Variants in MYRFL observed in about 807,000 individuals in gnomAD.
MYRFL encodes the protein myelin regulatory factor like.
MYRFL carries 88 observed loss-of-function variants against 109.4 expected under a neutral mutation model. The ratio of observed to expected loss-of-function variants is 0.80; its 90% CI spans 0.68 to 0.96. MYRFL has a LOEUF of 0.96. MYRFL is among the 40% of genes least tolerant of loss of function. MYRFL has a pLI of 0.00. For missense variants in MYRFL, 957 were observed against 954.9 expected, an observed-to-expected ratio of 1.00 and a Z score of -0.03; for synonymous variants, 324 against 320.9, an observed-to-expected ratio of 1.01 and a Z score of -0.10.
At chr12:69,903,578 C>A in intron 10 of MYRFL, 66 bp from the exon 11 acceptor site, 2 of 1,470,094 alleles carry the variant, frequency 1.4e-6, no homozygotes, top group Non-Finnish European at 1.8e-6. Context: ...TTGCTCTGAA[C>A]ACTAATGTGA....
chr12:69,854,857 T>C (rs1884174001), intron 1 of MYRFL, among the ~76,000 whole-genome samples: 1 of 152,226 alleles, frequency 6.6e-6, no homozygotes, highest in Non-Finnish European at 1.5e-5. Context: ...TCATGTTATC[T>C]GCAAATAAAA....
intron 13 of MYRFL, among the ~76,000 whole-genome samples, chr12:69,924,157 C>T (rs575193373): frequency 6.7e-6 from 1 of 148,872 alleles, no homozygotes; most frequent in East Asian, 2.0e-4. Context: ...CCACTGCACT[C>T]CAGCCTGGGT....
chr12:69,930,606 C>A (rs893181429), intron 15 of MYRFL, among the ~76,000 whole-genome samples: 6 of 151,814 alleles, frequency 4.0e-5, no homozygotes, highest in Non-Finnish European at 8.8e-5. Flanking sequence ...ATCACTTGAG[C>A]CCAGGAGTTC....
rs1447898638 is a variant in MYRFL, at chr12:69,886,897, T to C, written c.634T>C (p.Ser212Pro). ...GQNRMPTDQC[S>P]PALKWQPCHS... ...GAACAGAATGCCTACAGACCAGTGCTCTCCTGCTCTGAAGTGGCAACCATG... is the reference window on the plus strand; with the variant it reads ...GAACAGAATGCCTACAGACCAGTGCCCTCCTGCTCTGAAGTGGCAACCATG... The change falls in exon 6 of 25, where the codon TCT becomes CCT. Residue 212 changes from serine (S) to proline (P), a missense_variant. Coordinates refer to ENST00000552032, the MANE Select transcript of MYRFL (RefSeq NM_182530.3). 6.5e-7 allele frequency: 1 copy of C among 1,535,808 alleles called. No homozygotes were observed. Among genetic ancestry groups the C allele is most frequent in the South Asian group, 1.2e-5 (1 of 84,052 alleles).
chr12:69,832,944 T>TTGTGTGTG (rs57702116), intron 1 of MYRFL, among the ~76,000 whole-genome samples: 20 of 143,824 alleles, frequency 1.4e-4, no homozygotes, highest in African/African-American at 5.2e-4. Context: ...AGGAACAGGC[T>TTGTGTGTG]TGTGTGTGTG....
intron 2 of MYRFL, among the ~76,000 whole-genome samples, chr12:69,871,766 T>C (rs1261658): frequency 0.25 from 37,874 of 150,800 alleles, 5,476 homozygotes; most frequent in Middle Eastern, 0.38. Context: ...TAATTTTCAT[T>C]TTTTTTTGCT....
chr12:69,879,200 T>C lies in MYRFL; in HGVS notation c.211T>C (p.Cys71Arg), dbSNP rs1885894151. Reference sequence around the variant, plus strand: ...CTGCTTGTGTCTCTCCCCAGGTGCATGCTACCCAACCCTGAGGCCCACAGC... The same window carrying C: ...CTGCTTGTGTCTCTCCCCAGGTGCACGCTACCCAACCCTGAGGCCCACAGC... ...SCSPPQVKGA[C>R]YPTLRPTAGR... Residue 71 changes from cysteine to arginine, a missense_variant, in exon 4 of 25, where the codon TGC becomes CGC. Coordinates refer to ENST00000552032, the MANE Select transcript of MYRFL (RefSeq NM_182530.3). The C allele has an allele frequency of 4.3e-6, 3 of 702,832 alleles. 1 individual carries two copies. In the South Asian group the frequency reaches 4.4e-5, roughly 10 times the overall value. 43.5% of individuals were successfully genotyped at this position (702,832 alleles called of 1,614,324 possible).
At chr12:69,889,597 G>A (rs752439464) in intron 6 of MYRFL, among the ~76,000 whole-genome samples, 7 of 152,188 alleles carry the variant, frequency 4.6e-5, no homozygotes, top group Non-Finnish European at 8.8e-5. Context: ...GCTCACGCCT[G>A]TAATCCCAGC....
intron 5 of MYRFL, among the ~76,000 whole-genome samples, chr12:69,882,619 T>C (rs1886196841): frequency 6.6e-6 from 1 of 152,180 alleles, no homozygotes; most frequent in African/African-American, 2.4e-5. Context: ...GATCCTCATT[T>C]ATAGGGCTGA....
At chr12:69,877,001 G>GTCTTTCTTTCTTTCTTTCTTTCTT (rs201597849) in intron 2 of MYRFL, among the ~76,000 whole-genome samples, 7 of 78,540 alleles carry the variant, frequency 8.9e-5, no homozygotes, top group Non-Finnish European at 8.3e-5. Flanking sequence ...AAGGGTCCAG[G>GTCTTTCTTTCTTTCTTTCTTTCTT]TCTTTCTTTC....
At chr12:69,954,235 AT>A (rs1565653722) in intron 21 of MYRFL, among the ~76,000 whole-genome samples, 1 of 152,060 alleles carries the variant, frequency 6.6e-6, no homozygotes, top group Non-Finnish European at 1.5e-5. Flanking sequence ...CCAAATACCA[AT>A]TTTTCAGCTA....
chr12:69,896,757 A>C (rs1954007521), intron 9 of MYRFL, among the ~76,000 whole-genome samples: 1 of 152,222 alleles, frequency 6.6e-6, no homozygotes. Flanking sequence ...AGGGACCTTT[A>C]AGGTGGCTTC....
At chr12:69,838,142 A>G (rs1459021) in intron 1 of MYRFL, among the ~76,000 whole-genome samples, 5,107 of 152,260 alleles carry the variant, frequency 0.034, 105 homozygotes, top group Non-Finnish European at 0.049. Context: ...GGGGAAGGAC[A>G]GGCACTCCTG....
chr12:69,840,733 A>G (rs534047165), intron 1 of MYRFL, among the ~76,000 whole-genome samples: 1 of 152,140 alleles, frequency 6.6e-6, no homozygotes, highest in Non-Finnish European at 1.5e-5. Context: ...GCCCATTTGC[A>G]TGGCTAGTTC....
At chr12:69,912,033 T>A (rs1481174604) in intron 13 of MYRFL, among the ~76,000 whole-genome samples, 1 of 152,124 alleles carries the variant, frequency 6.6e-6, no homozygotes, top group Non-Finnish European at 1.5e-5. Context: ...AAGCAGAGGA[T>A]GCCTTTTCAT....
At chr12:69,837,042 T>A (rs1446489437) in intron 1 of MYRFL, among the ~76,000 whole-genome samples, 2 of 148,458 alleles carry the variant, frequency 1.3e-5, no homozygotes, top group African/African-American at 4.9e-5. Flanking sequence ...TTCACACATT[T>A]AAAAAAAAAA....
chr12:69,918,512 G>A (rs1402964432), intron 13 of MYRFL, among the ~76,000 whole-genome samples: 1 of 152,048 alleles, frequency 6.6e-6, no homozygotes, highest in Non-Finnish European at 1.5e-5. Context: ...CAAGGAGTGG[G>A]GTGCAGGATA....
chr12:69,911,183 C>G (rs186764213), intron 13 of MYRFL, among the ~76,000 whole-genome samples: 1 of 152,322 alleles, frequency 6.6e-6, no homozygotes, highest in African/African-American at 2.4e-5. Flanking sequence ...TTCAGCAGAT[C>G]TTAACTGGCA....
intron 13 of MYRFL, among the ~76,000 whole-genome samples, chr12:69,912,822 A>G (rs534335366): frequency 3.9e-5 from 6 of 152,180 alleles, no homozygotes; most frequent in Non-Finnish European, 8.8e-5. Flanking sequence ...ATTTACTCAG[A>G]AGTGGAACTG....
Sources: gnomAD v4.1 joint callset for allele counts (sites outside exome capture counted in the v4.1 genomes callset) on GRCh38, gnomAD v4.1.1 for gene constraint, MANE v1.5 for transcripts, NCBI Gene and HGNC (gene_info 2026-07-23, HGNC 2026-07-21) for gene names.